MAGI2: variants seen among roughly 807,000 people sequenced by gnomAD.
MAGI2 encodes membrane-associated guanylate kinase, WW and PDZ domain-containing protein 2.
Under a neutral mutation model 133.3 loss-of-function variants are expected in MAGI2, and 35 were observed. That is an observed-to-expected ratio of 0.26 (90% CI 0.20 to 0.35). MAGI2 has a LOEUF of 0.35. Among genes scored for constraint, MAGI2 ranks in the 10% least tolerant of loss-of-function variants. The pLI is 1.00. For synonymous variants in MAGI2, 729 were observed against 710.6 expected, an observed-to-expected ratio of 1.03 and a Z score of -0.41; for missense variants, 1,636 against 1,863.4, an observed-to-expected ratio of 0.88 and a Z score of 2.25.
At chr7:78,325,208 T>C (rs1788461735) in intron 9 of MAGI2, among the ~76,000 whole-genome samples, 1 of 152,162 alleles carries the variant, frequency 6.6e-6, no homozygotes, top group Non-Finnish European at 1.5e-5. Flanking sequence ...ATAGGCTAAA[T>C]GAATCCTATT....
chr7:78,710,585 T>G (rs1420509990), intron 2 of MAGI2, among the ~76,000 whole-genome samples: 1 of 152,050 alleles, frequency 6.6e-6, no homozygotes, highest in African/African-American at 2.4e-5. Context: ...ATTGCAAGGG[T>G]GGGTACAATA....
intron 9 of MAGI2, among the ~76,000 whole-genome samples, chr7:78,300,519 T>A (rs921050168): frequency 1.3e-5 from 2 of 152,182 alleles, no homozygotes; most frequent in Middle Eastern, 3.2e-3. Context: ...TTAGTGGACA[T>A]CCTTAACAGC....
chr7:78,393,255 C>A (rs62468204), intron 6 of MAGI2, among the ~76,000 whole-genome samples: 1 of 152,026 alleles, frequency 6.6e-6, no homozygotes, highest in Non-Finnish European at 1.5e-5. Flanking sequence ...AGGCATGGAC[C>A]TGTGGCCTAG....
At chr7:78,430,240 CTTTTT>C (rs545809101) in intron 6 of MAGI2, among the ~76,000 whole-genome samples, 146 of 76,646 alleles carry the variant, frequency 1.9e-3, no homozygotes, top group South Asian at 6.8e-3. Flanking sequence ...CTGGAAAAGC[CTTTTT>C]TTTTTTTTTT....
chr7:78,232,462 A>C (rs528437250), intron 10 of MAGI2, among the ~76,000 whole-genome samples: 9 of 152,334 alleles, frequency 5.9e-5, no homozygotes, highest in African/African-American at 2.2e-4. Flanking sequence ...TGTCCGCTCA[A>C]TTACCAGATA....
chr7:78,630,306 T>C (rs1389107382), intron 2 of MAGI2, among the ~76,000 whole-genome samples: 1 of 152,184 alleles, frequency 6.6e-6, no homozygotes. Flanking sequence ...CTTCCATTCT[T>C]CTAACGGAAC....
At chr7:78,470,335 C>G (rs954541708) in intron 6 of MAGI2, among the ~76,000 whole-genome samples, 2 of 152,158 alleles carry the variant, frequency 1.3e-5, no homozygotes, top group Middle Eastern at 6.8e-3. Flanking sequence ...TATGTTTAAC[C>G]AGCACTGTTT....
At chr7:78,763,809 T>C (rs1481227571) in intron 2 of MAGI2, among the ~76,000 whole-genome samples, 1 of 152,194 alleles carries the variant, frequency 6.6e-6, no homozygotes, top group Non-Finnish European at 1.5e-5. Context: ...GGAAACTGTA[T>C]CAATAATTTA....
At position 78,173,896 on chromosome 7, in the gene MAGI2, A is replaced by G. The variant is rs535655210; in HGVS notation, c.2403+4115T>C. Among the ~76,000 whole-genome samples, 26 of 152,314 alleles carry G rather than the reference A, an allele frequency of 1.7e-4. No homozygotes were observed. The South Asian group carries it at 5.2e-3, about 30-fold the overall frequency. On this transcript the variant is annotated intron_variant, in intron 14 of 21. Transcript: ENST00000354212. Reference sequence around the variant, plus strand: ...GTTGTCATGGAGAAAGGCAAGCTCAATGTTGCTAAATTTAATTTTCAAGAG... The same window carrying G: ...GTTGTCATGGAGAAAGGCAAGCTCAGTGTTGCTAAATTTAATTTTCAAGAG...
chr7:79,142,057 C>T (rs1195649120), intron 1 of MAGI2, among the ~76,000 whole-genome samples: 1 of 152,004 alleles, frequency 6.6e-6, no homozygotes, highest in Non-Finnish European at 1.5e-5. Flanking sequence ...CAAATAGATA[C>T]AAAATAAATA....
chr7:78,069,497 ATG>A (rs1053787825), intron 21 of MAGI2, among the ~76,000 whole-genome samples: 2 of 117,644 alleles, frequency 1.7e-5, no homozygotes, highest in East Asian at 2.7e-4. Context: ...GTATGTGTGT[ATG>A]TGTGTGTGTG....
intron 9 of MAGI2, among the ~76,000 whole-genome samples, chr7:78,297,727 G>A (rs923551291): frequency 9.9e-5 from 15 of 150,898 alleles, no homozygotes; most frequent in Non-Finnish European, 1.6e-4. Flanking sequence ...ACTGTCACAA[G>A]AACAAAAAAC....
chr7:78,620,945 CA>C (rs1379566768), intron 3 of MAGI2, among the ~76,000 whole-genome samples: 1 of 151,900 alleles, frequency 6.6e-6, no homozygotes, highest in East Asian at 1.9e-4. Context: ...AAGCACAGAT[CA>C]GGGGAGGTAG....
intron 6 of MAGI2, among the ~76,000 whole-genome samples, chr7:78,409,870 T>C (rs1370558513): frequency 6.6e-6 from 1 of 152,120 alleles, no homozygotes; most frequent in Non-Finnish European, 1.5e-5. Flanking sequence ...AAATTTGTTA[T>C]TCAATTAAAC....
chr7:78,296,665 A>C (rs1217118202), intron 9 of MAGI2, among the ~76,000 whole-genome samples: 1 of 151,962 alleles, frequency 6.6e-6, no homozygotes, highest in Non-Finnish European at 1.5e-5. Context: ...TTATTAGCTC[A>C]CTCCCTTTTC....
At chr7:78,536,994 G>T (rs1176080023) in intron 3 of MAGI2, among the ~76,000 whole-genome samples, 2 of 151,930 alleles carry the variant, frequency 1.3e-5, no homozygotes, top group Non-Finnish European at 2.9e-5. Flanking sequence ...TCAGTCCGTT[G>T]TATCATTCTT....
rs78133213 is a variant in MAGI2 at position 78,317,253 on chromosome 7, C to T, written c.1408+26525G>A. On this transcript the variant is annotated intron_variant, in intron 9 of 21. Coordinates refer to ENST00000354212, the MANE Select transcript of MAGI2 (RefSeq NM_012301.4). ...TCATTTGTTCTTTTTGCCTTTTTCT[C>T]ACCCTCTTCTGAGGAATTTTCACTC... Among the ~76,000 whole-genome samples, 15 of 152,254 alleles carry T rather than the reference C, an allele frequency of 9.9e-5. No individual in the cohort carries two copies. In the East Asian group the frequency reaches 2.3e-3, roughly 24 times the overall value.
At chr7:78,384,581 T>C (rs917779689) in intron 6 of MAGI2, among the ~76,000 whole-genome samples, 2 of 152,174 alleles carry the variant, frequency 1.3e-5, no homozygotes, top group African/African-American at 4.8e-5. Context: ...ATTGAATGTT[T>C]TGGGGTGAAT....
At position 78,343,904 on chromosome 7, in the gene MAGI2, T is replaced by A. The variant is rs770720600; in HGVS notation, c.1282A>T (p.Thr428Ser). 1.9e-6 allele frequency: 3 copies of A among 1,612,748 alleles called. No individual in the cohort carries two copies. In the South Asian group the frequency reaches 3.3e-5, roughly 18 times the overall value. The change falls in exon 9 of 22, where the codon ACC becomes TCC. Residue 428 changes from threonine (T) to serine (S), a missense_variant. Physicochemically the swap from Thr to Ser is moderately conservative, Grantham distance 58. Around this residue, in one of 5 missense-constraint regions of MAGI2, gnomAD observed 920 missense variants for 1,093.5 expected, o/e 0.84. Coordinates refer to ENST00000354212, the MANE Select transcript of MAGI2 (RefSeq NM_012301.4). Reference sequence around the variant, plus strand: ...AAGCCCATGTTGCTCTTTTTTAGGGTGGTGCTGAGGAATGTTCCCTTCAAC... The same window carrying A: ...AAGCCCATGTTGCTCTTTTTTAGGGAGGTGCTGAGGAATGTTCCCTTCAAC... ...SQLKGTFLST[T>S]LKKSNMGFGF...
Sources: allele counts gnomAD v4.1 joint callset (sites outside exome capture counted in the v4.1 genomes callset), GRCh38; gene constraint gnomAD v4.1.1; regional missense constraint gnomAD v4.1.1; transcripts MANE v1.5; gene names NCBI Gene and HGNC (gene_info 2026-07-23, HGNC 2026-07-21).